The following DNAJC21 variants were observed in gnomAD, a reference collection of about 807,000 sequenced individuals.
DNAJC21 encodes the protein dnaJ homolog subfamily C member 21.
DNAJC21 carries 63 observed loss-of-function variants against 72.4 expected under a neutral mutation model. The ratio of observed to expected loss-of-function variants is 0.87; its 90% CI spans 0.71 to 1.07. The LOEUF (loss-of-function observed/expected upper bound fraction) is 1.07. Among genes scored for constraint, DNAJC21 ranks in the 50% least tolerant of loss-of-function variants. The pLI, the probability that DNAJC21 is intolerant of heterozygous loss-of-function variation, is 0.00. For synonymous variants in DNAJC21, 203 were observed against 216.7 expected, an observed-to-expected ratio of 0.94 and a Z score of 0.56; for missense variants, 634 against 644.8, an observed-to-expected ratio of 0.98 and a Z score of 0.18.
At chr5:34,933,212 T>C (rs1235650648) in intron 1 of DNAJC21, among the ~76,000 whole-genome samples, 1 of 152,238 alleles carries the variant, frequency 6.6e-6, no homozygotes, top group Non-Finnish European at 1.5e-5. Context: ...TTACTCCTTT[T>C]AAAAGTAAAA....
Position 34,929,855 on chromosome 5 carries a change from C to G in DNAJC21, c.36C>G (p.Arg12=), listed in dbSNP as rs768651904. ...KCHYEALGVR[R]DASEEELKKA... Reference sequence around the variant, plus strand: ...ACTATGAGGCGCTGGGGGTGCGGCGCGACGCCAGCGAGGAGGAGCTCAAGA... The same window carrying G: ...ACTATGAGGCGCTGGGGGTGCGGCGGGACGCCAGCGAGGAGGAGCTCAAGA... The change falls in exon 1 of 12, where the codon CGC becomes CGG. Residue 12 remains arginine, a synonymous_variant. Transcript: ENST00000648817. 9 of 1,579,302 alleles carry G rather than the reference C, an allele frequency of 5.7e-6. No individual in the cohort carries two copies. The highest frequency in any genetic ancestry group is 1.7e-4 in the Middle Eastern group (1 of 5,748).
At chr5:34,936,597 C>G (rs1306609277) in intron 4 of DNAJC21, among the ~76,000 whole-genome samples, 2 of 152,236 alleles carry the variant, frequency 1.3e-5, no homozygotes, top group East Asian at 3.9e-4. Flanking sequence ...GCATGAGCCA[C>G]AGCTCCCAGC....
At position 34,937,497 on chromosome 5, in the gene DNAJC21, C is replaced by T. The variant is rs1340350407; in HGVS notation, c.610C>T (p.Arg204Cys). The T allele has an allele frequency of 5.0e-6, 8 of 1,613,968 alleles. No homozygotes were observed. The highest frequency in any genetic ancestry group is 3.3e-5 in the South Asian group (3 of 91,080). The change falls in exon 5 of 12, where the codon CGT becomes TGT. Residue 204 changes from arginine to cysteine, a missense_variant. Arg to Cys is a radical substitution (Grantham distance 180). Coordinates refer to ENST00000648817, the MANE Select transcript of DNAJC21 (RefSeq NM_001012339.3). ...KARKEKNELV[R>C]QLVAFIRKRD... is the part of the protein sequence containing the mutation. ...AAGGAAAGAGAAGAATGAGCTTGTC[C>T]GTCAGCTGGTAGCTTTCATTCGTAA...
intron 5 of DNAJC21, among the ~76,000 whole-genome samples, chr5:34,937,973 T>C (rs1764850220): frequency 6.6e-6 from 1 of 152,042 alleles, no homozygotes; most frequent in African/African-American, 2.4e-5. Flanking sequence ...AATTTTTGTA[T>C]TTTTAGTAGT....
intron 9 of DNAJC21, among the ~76,000 whole-genome samples, chr5:34,946,163 A>AT (rs1345617554): frequency 1.3e-5 from 2 of 152,132 alleles, no homozygotes; most frequent in East Asian, 1.9e-4. Context: ...GGGATTGGTC[A>AT]TTTTTTTATC....
intron 3 of DNAJC21, 73 bp downstream of exon 3, chr5:34,935,906 A>G: frequency 6.3e-7 from 1 of 1,588,588 alleles, no homozygotes; most frequent in Non-Finnish European, 8.6e-7. Flanking sequence ...GAGAATTCTT[A>G]AAACTATTCT....
At position 34,941,088 on chromosome 5, in the gene DNAJC21, T is replaced by C; in HGVS notation, c.896-8T>C. On this transcript the variant is annotated splice_polypyrimidine_tract_variant and splice_region_variant and intron_variant, in intron 6 of 11. Coordinates refer to ENST00000648817, the MANE Select transcript of DNAJC21 (RefSeq NM_001012339.3). ...AGAGGGTTCTTACTGTAGGCTTCCC[T>C]GTCATAGGTAAAGACAGTGATGAGG... is the stretch of plus-strand genomic sequence containing the variant. The C allele has an allele frequency of 6.2e-7, 1 of 1,612,452 alleles. No homozygotes were observed. Among genetic ancestry groups the C allele is most frequent in the East Asian group, 2.2e-5 (1 of 44,880 alleles).
In DNAJC21 at chr5:34,949,701, G is replaced by A. The variant is rs150154606; in HGVS notation, c.1186-469G>A. On this transcript the variant is annotated intron_variant, in intron 9 of 11. Transcript: ENST00000648817. Reference sequence around the variant, plus strand: ...AGGTACGCTTAGGATATGTTTGCCAGGCGTCTTTCTTTTATAATGCCTGTT... The same window carrying A: ...AGGTACGCTTAGGATATGTTTGCCAAGCGTCTTTCTTTTATAATGCCTGTT... The A allele has an allele frequency of 2.3e-4, 370 of 1,612,252 alleles. No homozygotes were observed. In the African/African-American group the frequency reaches 4.4e-3, roughly 19 times the overall value.
At chr5:34,936,759 A>T (rs999938003) in intron 4 of DNAJC21, among the ~76,000 whole-genome samples, 1 of 149,892 alleles carries the variant, frequency 6.7e-6, no homozygotes, top group Non-Finnish European at 1.5e-5. Flanking sequence ...TTATTTGTTT[A>T]TTTTTTTTGA....
intron 3 of DNAJC21, 112 bp downstream of exon 3, chr5:34,935,945 T>G: frequency 6.7e-7 from 1 of 1,491,352 alleles, no homozygotes; most frequent in South Asian, 1.3e-5. Context: ...GTGTTCATTT[T>G]GAAAACTGAA....
At chr5:34,944,471 A>T (rs1376334259) in intron 7 of DNAJC21, among the ~76,000 whole-genome samples, 1 of 152,244 alleles carries the variant, frequency 6.6e-6, no homozygotes. Context: ...TTAGTGATTA[A>T]AAGAAAACAA....
At chr5:34,945,663 G>A (rs1580535606) in intron 8 of DNAJC21, 98 bp from the exon 9 acceptor site, 1 of 1,012,022 alleles carries the variant, frequency 9.9e-7, no homozygotes, top group Non-Finnish European at 1.4e-6. Flanking sequence ...TTTTACTTCT[G>A]TTTTACTACT....
At chr5:34,938,769 C>A in intron 5 of DNAJC21, 89 bp from the exon 6 acceptor site, 1 of 1,371,158 alleles carries the variant, frequency 7.3e-7, no homozygotes, top group Non-Finnish European at 9.6e-7. Flanking sequence ...AGCAAGCTCT[C>A]TAGTGGGAAT....
intron 5 of DNAJC21, among the ~76,000 whole-genome samples, chr5:34,938,353 CT>C (rs1317335886): frequency 1.3e-5 from 2 of 152,180 alleles, no homozygotes; most frequent in Non-Finnish European, 2.9e-5. Flanking sequence ...GGAATTGAAC[CT>C]GAGAATTCTG....
At chr5:34,944,397 A>G (rs972036855) in intron 7 of DNAJC21, among the ~76,000 whole-genome samples, 3 of 152,238 alleles carry the variant, frequency 2.0e-5, no homozygotes, top group Admixed American at 6.5e-5. Context: ...TGTGTCTTCT[A>G]ATTTCCCAGT....
intron 7 of DNAJC21, 56 bp downstream of exon 7, chr5:34,941,239 C>A: frequency 6.7e-7 from 1 of 1,499,302 alleles, no homozygotes; most frequent in Non-Finnish European, 9.2e-7. Context: ...ACTCTGTCAC[C>A]AAGGCAGGAG....
chr5:34,941,276 C>G, intron 7 of DNAJC21, 93 bp downstream of exon 7: 1 of 1,113,312 alleles, frequency 9.0e-7, no homozygotes. Context: ...TGACTCACCA[C>G]AGCCTCGACC....
intron 10 of DNAJC21, chr5:34,950,696 A>G (rs1580540692): frequency 2.0e-6 from 2 of 996,530 alleles, no homozygotes; most frequent in South Asian, 9.0e-5. Context: ...CTGGAGTGTC[A>G]CTAAGCAAAT....
intron 7 of DNAJC21, among the ~76,000 whole-genome samples, chr5:34,942,588 TTAAAGG>T (rs1456891727): frequency 6.6e-6 from 1 of 152,136 alleles, no homozygotes; most frequent in East Asian, 1.9e-4. Context: ...AATGACACAC[TTAAAGG>T]TAAATTGCAA....
Sources: allele counts gnomAD v4.1 joint callset (sites outside exome capture counted in the v4.1 genomes callset), GRCh38; gene constraint gnomAD v4.1.1; transcripts MANE v1.5; gene names NCBI Gene and HGNC (gene_info 2026-07-23, HGNC 2026-07-21).